The following PITPNC1 variants were observed in gnomAD, a reference collection of about 807,000 sequenced individuals.
PITPNC1 encodes the protein cytoplasmic phosphatidylinositol transfer protein 1.
PITPNC1 carries 18 observed loss-of-function variants against 44.7 expected under a neutral mutation model. That is an observed-to-expected ratio of 0.40 (90% CI 0.28 to 0.60). The LOEUF is 0.60. PITPNC1 is among the 20% of genes least tolerant of loss of function. PITPNC1 has a pLI of 0.39. For missense variants in PITPNC1, 290 were observed against 418.4 expected (o/e 0.69, Z 2.68); for synonymous variants, 141 against 149.6 (o/e 0.94, Z 0.42).
At chr17:67,576,166 C>T (rs1486893491) in intron 4 of PITPNC1, among the ~76,000 whole-genome samples, 1 of 151,990 alleles carries the variant, frequency 6.6e-6, no homozygotes, top group Non-Finnish European at 1.5e-5. Context: ...CATGAGCCAC[C>T]GTGCCTGGCC....
At chr17:67,557,144 G>A (rs1167463021) in intron 4 of PITPNC1, among the ~76,000 whole-genome samples, 3 of 152,138 alleles carry the variant, frequency 2.0e-5, no homozygotes, top group Non-Finnish European at 4.4e-5. Context: ...TTCCTGGTGA[G>A]GGCTGTCTTC....
In PITPNC1 at chr17:67,534,462, A is replaced by G. The variant is rs1301909767; in HGVS notation, c.197+1512A>G. 2.6e-5 allele frequency among the ~76,000 whole-genome samples: 4 copies of G among 151,960 alleles called. No homozygotes were observed. In the East Asian group the frequency reaches 7.8e-4, roughly 30 times the overall value. On this transcript the variant is annotated intron_variant, in intron 2 of 8. Coordinates refer to ENST00000581322, the MANE Select transcript of PITPNC1 (RefSeq NM_012417.4). ...AAACCAGCCTGGGTAACATGGCGAA[A>G]CCCCATCTCTACTAAAAATGCAAAA...
intron 4 of PITPNC1, among the ~76,000 whole-genome samples, chr17:67,566,879 C>G (rs1447828986): frequency 6.6e-6 from 1 of 152,244 alleles, no homozygotes; most frequent in Non-Finnish European, 1.5e-5. Context: ...GCATGCATGT[C>G]AGAGCTAGAC....
At chr17:67,503,883 G>C (rs1169175769) in intron 1 of PITPNC1, among the ~76,000 whole-genome samples, 1 of 152,204 alleles carries the variant, frequency 6.6e-6, no homozygotes, top group Non-Finnish European at 1.5e-5. Context: ...ACACAGGGGA[G>C]TGACCAGAAG....
chr17:67,529,660 T>C (rs1161621122), intron 1 of PITPNC1, among the ~76,000 whole-genome samples: 4 of 151,982 alleles, frequency 2.6e-5, no homozygotes, highest in Non-Finnish European at 5.9e-5. Flanking sequence ...CAACAGAAAT[T>C]TGGGGCCAGG....
intron 1 of PITPNC1, among the ~76,000 whole-genome samples, chr17:67,417,707 C>G (rs777523819): frequency 1.2e-4 from 19 of 152,128 alleles, no homozygotes; most frequent in Non-Finnish European, 2.4e-4. Context: ...CAGCTGGCAC[C>G]ATTGAAAAGG....
At chr17:67,406,074 C>G (rs1270784694) in intron 1 of PITPNC1, among the ~76,000 whole-genome samples, 1 of 152,116 alleles carries the variant, frequency 6.6e-6, no homozygotes, top group African/African-American at 2.4e-5. Flanking sequence ...GTACAGATCC[C>G]TAGTTTTTAG....
intron 1 of PITPNC1, among the ~76,000 whole-genome samples, chr17:67,423,607 G>A (rs774533614): frequency 3.3e-5 from 5 of 152,154 alleles, no homozygotes; most frequent in Non-Finnish European, 5.9e-5. Context: ...GGGCTTAAGC[G>A]ATCCTCCTGC....
chr17:67,572,633 G>A (rs1251209479), intron 4 of PITPNC1, among the ~76,000 whole-genome samples: 1 of 151,942 alleles, frequency 6.6e-6, no homozygotes, highest in Non-Finnish European at 1.5e-5. Context: ...GATACGCGCT[G>A]TGATAAAGGG....
intron 8 of PITPNC1, among the ~76,000 whole-genome samples, chr17:67,686,157 A>G (rs1443069297): frequency 6.6e-6 from 1 of 151,244 alleles, no homozygotes; most frequent in Admixed American, 6.6e-5. Context: ...TTGGATTAAG[A>G]CAGGGTTTCT....
At chr17:67,555,804 A>G (rs1194134705) in intron 4 of PITPNC1, among the ~76,000 whole-genome samples, 1 of 152,118 alleles carries the variant, frequency 6.6e-6, no homozygotes, top group African/African-American at 2.4e-5. Flanking sequence ...AGATCACACC[A>G]CTGCACTCCA....
In PITPNC1 at chr17:67,494,526, T is replaced by C. The variant is rs111862558; in HGVS notation, c.49-38276T>C. Among the ~76,000 whole-genome samples the C allele has an allele frequency of 3.7e-3, 568 of 152,082 alleles. 7 individuals are homozygous for C. Among genetic ancestry groups the C allele is most frequent in the South Asian group, 0.028 (135 of 4,806 alleles). ...TAACCTCTTTCAATGGCAACAGATA[T>C]TCAGATATAACTTTTATAGATTTAT... On this transcript the variant is annotated intron_variant, in intron 1 of 8. Transcript: ENST00000581322.
At chr17:67,464,871 C>A (rs746354044) in intron 1 of PITPNC1, among the ~76,000 whole-genome samples, 29 of 152,080 alleles carry the variant, frequency 1.9e-4, no homozygotes, top group Non-Finnish European at 4.1e-4. Flanking sequence ...TCCTGAGTAG[C>A]TGGGACTACA....
At chr17:67,626,645 A>G (rs962392439) in intron 5 of PITPNC1, among the ~76,000 whole-genome samples, 8 of 152,248 alleles carry the variant, frequency 5.3e-5, no homozygotes, top group South Asian at 2.1e-4. Flanking sequence ...CTGGGATTAC[A>G]GGTGTGAGCC....
intron 1 of PITPNC1, among the ~76,000 whole-genome samples, chr17:67,392,541 G>A (rs537064760): frequency 2.2e-4 from 33 of 152,022 alleles, no homozygotes; most frequent in Non-Finnish European, 4.3e-4. Context: ...GCTGCGCTTG[G>A]CTAAAATAAA....
chr17:67,472,501 G>T (rs1391096639), intron 1 of PITPNC1, among the ~76,000 whole-genome samples: 1 of 151,542 alleles, frequency 6.6e-6, no homozygotes, highest in Non-Finnish European at 1.5e-5. Context: ...GAAAAAATTA[G>T]CCGGGCGTGG....
chr17:67,527,114 T>C (rs76703268), intron 1 of PITPNC1, among the ~76,000 whole-genome samples: 4,338 of 152,346 alleles, frequency 0.028, 192 homozygotes, highest in African/African-American at 0.097. Context: ...ACAACTTTGA[T>C]CTTTCAATCA....
rs139261840 is a variant in PITPNC1 at position 67,556,236 on chromosome 17, G to A, written c.294+2619G>A. Among the ~76,000 whole-genome samples the A allele has an allele frequency of 5.8e-3, 877 of 152,266 alleles. 10 individuals are homozygous for A. Among genetic ancestry groups the A allele is most frequent in the African/African-American group, 0.02 (832 of 41,560 alleles). Reference sequence around the variant, plus strand: ...TGGGGCCTTGAGTTTTGGGGACAGGGCTACAGTCCCCAATGTGGGAGACAG... The same window carrying A: ...TGGGGCCTTGAGTTTTGGGGACAGGACTACAGTCCCCAATGTGGGAGACAG... On this transcript the variant is annotated intron_variant, in intron 4 of 8. Transcript: ENST00000581322.
At chr17:67,422,682 G>A (rs1444609569) in intron 1 of PITPNC1, among the ~76,000 whole-genome samples, 4 of 152,050 alleles carry the variant, frequency 2.6e-5, no homozygotes, top group East Asian at 1.9e-4. Context: ...TGCGTAGCTG[G>A]GATTAGACTA....
Sources: gnomAD v4.1 joint callset for allele counts (sites outside exome capture counted in the v4.1 genomes callset) on GRCh38, gnomAD v4.1.1 for gene constraint, MANE v1.5 for transcripts, NCBI Gene and HGNC (gene_info 2026-07-23, HGNC 2026-07-21) for gene names.